Variants in ASIC2 observed in about 807,000 individuals in gnomAD.
ASIC2 encodes the protein acid-sensing ion channel 2.
In ASIC2, 25 loss-of-function variants were observed where a neutral mutation model predicts 57.3. The ratio of observed to expected loss-of-function variants is 0.44; its 90% confidence interval spans 0.32 to 0.61. The LOEUF is 0.61. Among genes scored for constraint, ASIC2 ranks in the 20% least tolerant of loss-of-function variants. ASIC2 has a pLI of 0.06. For missense variants in ASIC2, 641 were observed against 738.1 expected (o/e 0.87, Z 1.52); for synonymous variants, 319 against 307.5 (o/e 1.04, Z -0.39).
chr17:33,486,801 A>G (rs1913589713), intron 1 of ASIC2, among the ~76,000 whole-genome samples: 1 of 152,180 alleles, frequency 6.6e-6, no homozygotes, highest in Admixed American at 6.5e-5. Context: ...CCCACTTCTC[A>G]CTGGCCAGCT....
At chr17:34,051,617 C>A (rs1000830222) in intron 1 of ASIC2, 6 of 152,270 alleles carry the variant, frequency 3.9e-5, no homozygotes, top group Admixed American at 3.9e-4. Flanking sequence ...TTTTGGATTT[C>A]CTCAACCTCA....
At chr17:33,536,135 G>A (rs1284585706) in intron 1 of ASIC2, among the ~76,000 whole-genome samples, 1 of 152,192 alleles carries the variant, frequency 6.6e-6, no homozygotes, top group African/African-American at 2.4e-5. Context: ...GAAGGCTGGG[G>A]AGTATACGGG....
At chr17:33,614,162 C>T (rs991132819) in intron 1 of ASIC2, among the ~76,000 whole-genome samples, 3 of 152,120 alleles carry the variant, frequency 2.0e-5, no homozygotes, top group East Asian at 1.9e-4. Context: ...TTCTTTTCAG[C>T]GTGAGTTCTT....
intron 1 of ASIC2, among the ~76,000 whole-genome samples, chr17:33,143,036 A>C (rs1904388173): frequency 6.6e-6 from 1 of 152,194 alleles, no homozygotes; most frequent in Admixed American, 6.5e-5. Flanking sequence ...GCGAGAAGAA[A>C]ACATGGGTCC....
At position 33,424,886 on chromosome 17, in the gene ASIC2, A is replaced by G. The variant is rs943526814; in HGVS notation, c.556-312819T>C. Among the ~76,000 whole-genome samples, 10 of 152,266 alleles carry G rather than the reference A, an allele frequency of 6.6e-5. No homozygotes were observed. In the East Asian group the frequency reaches 1.9e-3, roughly 29 times the overall value. On this transcript the variant is annotated intron_variant, in intron 1 of 9. Coordinates refer to the ASIC2 transcript ENST00000359872. ...GTCCTCTCTCCATCAAAATATGCCC[A>G]ACCTGGGAGCCACTTGCACCTTCTT... is the stretch of plus-strand genomic sequence containing the variant.
intron 1 of ASIC2, among the ~76,000 whole-genome samples, chr17:33,211,203 T>C (rs1907254677): frequency 6.6e-6 from 1 of 151,908 alleles, no homozygotes; most frequent in Non-Finnish European, 1.5e-5. Flanking sequence ...AAGGGGTTTG[T>C]GGAGAGAGTA....
intron 1 of ASIC2, among the ~76,000 whole-genome samples, chr17:33,705,680 G>C (rs1393794850): frequency 6.6e-6 from 1 of 152,068 alleles, no homozygotes; most frequent in Non-Finnish European, 1.5e-5. Flanking sequence ...GCAAGAAATG[G>C]GTTCTCCCTT....
chr17:33,774,256 A>G (rs1337508581), intron 1 of ASIC2, among the ~76,000 whole-genome samples: 1 of 152,206 alleles, frequency 6.6e-6, no homozygotes, highest in Non-Finnish European at 1.5e-5. Context: ...ATGATGGGTC[A>G]AGGAAATTTG....
At chr17:34,086,842 T>G (rs1910129593) in intron 1 of ASIC2, among the ~76,000 whole-genome samples, 1 of 152,246 alleles carries the variant, frequency 6.6e-6, no homozygotes, top group South Asian at 2.1e-4. Flanking sequence ...GTCTGTTTTA[T>G]CAGAGACTAG....
At chr17:33,247,207 T>C (rs896538265) in intron 1 of ASIC2, among the ~76,000 whole-genome samples, 3 of 152,220 alleles carry the variant, frequency 2.0e-5, no homozygotes, top group African/African-American at 7.2e-5. Flanking sequence ...TCAGAAATCA[T>C]AGCCAGTGGT....
chr17:33,292,447 G>A lies in ASIC2; in HGVS notation c.-332C>T. On this transcript the variant is annotated 5_prime_UTR_variant, in exon 1 of 10. Transcript: ENST00000225823. The stretch of plus-strand genomic sequence containing the variant: ...TACTTCTGGAGGGGTCCCACTGGGA[G>A]CCGCCTCTCCAGTCCCTGGGTGCTG... The A allele has an allele frequency of 1.0e-6, 1 of 985,586 alleles. No individual in the cohort carries two copies. The highest frequency in any genetic ancestry group is 1.2e-6 in the Non-Finnish European group (1 of 830,100). The allele number at this position is 985,586 out of a possible 1,614,324, so 61.1% of individuals were successfully genotyped here.
At chr17:33,101,817 T>A (rs1454434594) in intron 2 of ASIC2, among the ~76,000 whole-genome samples, 1 of 152,204 alleles carries the variant, frequency 6.6e-6, no homozygotes, top group Non-Finnish European at 1.5e-5. Context: ...ATGTTTTTGA[T>A]CTCTCTCTTG....
chr17:33,599,400 C>T (rs990146409), intron 1 of ASIC2, among the ~76,000 whole-genome samples: 33 of 152,086 alleles, frequency 2.2e-4, no homozygotes, highest in African/African-American at 7.7e-4. Context: ...AAGGGATGGC[C>T]CTGTCTCAGG....
chr17:33,097,859 G>T (rs964323004), intron 2 of ASIC2, among the ~76,000 whole-genome samples: 7 of 152,142 alleles, frequency 4.6e-5, no homozygotes, highest in Admixed American at 4.6e-4. Flanking sequence ...TCAACCAGAG[G>T]TGTCATTTTA....
chr17:33,838,055 C>G (rs866679619), intron 1 of ASIC2, among the ~76,000 whole-genome samples: 1 of 152,162 alleles, frequency 6.6e-6, no homozygotes, highest in African/African-American at 2.4e-5. Context: ...ATGTCCTTTG[C>G]TCCTACTGCT....
chr17:33,028,812 C>T (rs1288524418), intron 3 of ASIC2, among the ~76,000 whole-genome samples: 1 of 152,210 alleles, frequency 6.6e-6, no homozygotes, highest in Non-Finnish European at 1.5e-5. Context: ...AAATTCCACC[C>T]TCTTGGTTTG....
At chr17:33,662,536 T>C (rs1460433153) in intron 1 of ASIC2, among the ~76,000 whole-genome samples, 5 of 151,490 alleles carry the variant, frequency 3.3e-5, no homozygotes. Flanking sequence ...GGCAGGAGAA[T>C]TGCTTGAACC....
chr17:33,137,837 C>T (rs1030380034), intron 1 of ASIC2, among the ~76,000 whole-genome samples: 4 of 152,324 alleles, frequency 2.6e-5, no homozygotes, highest in East Asian at 1.9e-4. Flanking sequence ...TGTACAAAAT[C>T]CCTCCACAGA....
intron 1 of ASIC2, among the ~76,000 whole-genome samples, chr17:33,941,464 G>A (rs1050189510): frequency 1.3e-5 from 2 of 152,192 alleles, no homozygotes; most frequent in African/African-American, 4.8e-5. Flanking sequence ...CAGCATCCTG[G>A]AGCCCAGGTG....
Sources: gnomAD v4.1 joint callset for allele counts (sites outside exome capture counted in the v4.1 genomes callset) on GRCh38, gnomAD v4.1.1 for gene constraint, MANE v1.5 for transcripts, NCBI Gene and HGNC (gene_info 2026-07-23, HGNC 2026-07-21) for gene names.